The following PPP1R11 variants were observed in gnomAD, a reference collection of about 807,000 sequenced individuals.
PPP1R11 encodes the protein E3 ubiquitin-protein ligase PPP1R11.
PPP1R11 carries 10 observed loss-of-function variants against 11.3 expected under a neutral mutation model. That is an observed-to-expected ratio of 0.88 (90% CI 0.55 to 1.50). The LOEUF (loss-of-function observed/expected upper bound fraction) is 1.50, where lower values mean the gene tolerates loss of function less well. Among genes scored for constraint, PPP1R11 ranks in the 40% most tolerant of loss-of-function variants. PPP1R11 has a pLI of 0.00. For missense variants in PPP1R11, 114 were observed against 179.1 expected (o/e 0.64, Z 2.07); for synonymous variants, 56 against 62.3 (o/e 0.90, Z 0.48).
At chr6:30,067,137 C>A (rs1482506586), upstream of PPP1R11, 1 of 439,062 alleles carries the variant, frequency 2.3e-6, no homozygotes, top group Non-Finnish European at 4.1e-6. Flanking sequence ...ACTAATCCAG[C>A]GACGCCTGCG....
chr6:30,068,735 T>C (rs1765716247), intron 2 of PPP1R11, 37 bp downstream of exon 2: 4 of 1,555,150 alleles, frequency 2.6e-6, no homozygotes, highest in Non-Finnish European at 3.5e-6. Flanking sequence ...CCTGGAGTTC[T>C]GGCTCCCTTC....
upstream of PPP1R11, among the ~76,000 whole-genome samples, chr6:30,062,864 G>A (rs9261273): frequency 0.046 from 6,865 of 149,312 alleles, 194 homozygotes; most frequent in Admixed American, 0.064. Flanking sequence ...GAGCCACCCC[G>A]CCTGACCTAC....
At position 30,069,226 on chromosome 6, in the gene PPP1R11, G is replaced by A; in HGVS notation, c.301G>A (p.Ala101Thr). 6.2e-7 allele frequency: 1 copy of A among 1,612,972 alleles called. No individual in the cohort carries two copies. Among genetic ancestry groups the A allele is most frequent in the Non-Finnish European group, 8.5e-7 (1 of 1,180,000 alleles). Residue 101 changes from alanine to threonine, a missense_variant, in exon 3 of 3, where the codon GCA (alanine) becomes ACA (threonine). Coordinates refer to ENST00000376772, the MANE Select transcript of PPP1R11 (RefSeq NM_021959.3). The surrounding 1 kb of genome is among the most constrained non-coding windows in gnomAD (Gnocchi z 6.6). ...TGGCCACCGCAAAGGACGGCGTCGTGCAACCCTAGGACCGACCCCCACCAC... is the reference window on the plus strand; with the variant it reads ...TGGCCACCGCAAAGGACGGCGTCGTACAACCCTAGGACCGACCCCCACCAC... Reference protein sequence around the residue: ...VRGHRKGRRRATLGPTPTTPP... With the variant: ...VRGHRKGRRRTTLGPTPTTPP...
upstream of PPP1R11, chr6:30,064,756 G>C: frequency 6.7e-7 from 1 of 1,483,696 alleles, no homozygotes. Context: ...AGGATACTGG[G>C]TTTTTAGATG....
chr6:30,062,128 T>C, upstream of PPP1R11: 1 of 1,445,434 alleles, frequency 6.9e-7, no homozygotes. Context: ...GGAAAAGAGA[T>C]GTAAACCATC....
At chr6:30,068,147 G>C (rs1765670672) in intron 1 of PPP1R11, 1 of 155,056 alleles carries the variant, frequency 6.4e-6, no homozygotes, top group Admixed American at 6.5e-5. Flanking sequence ...GGGAGGGCTG[G>C]AGCTTGAGAA....
At chr6:30,061,645 T>C in the PPP1R11 span, 41 of 1,612,932 alleles carry the variant, frequency 2.5e-5, no homozygotes, top group Non-Finnish European at 3.5e-5. The surrounding 1 kb of genome is among the most constrained non-coding windows in gnomAD (Gnocchi z 5.0). Context: ...CTGTATTCGC[T>C]GTGGCTTCAA....
chr6:30,062,051 G>C, upstream of PPP1R11: 1 of 1,592,372 alleles, frequency 6.3e-7, no homozygotes, highest in Non-Finnish European at 8.6e-7. Flanking sequence ...GGCTCCATAA[G>C]GTGGGTAGGA....
At chr6:30,067,148 C>T (rs1264466675), upstream of PPP1R11, 2 of 447,288 alleles carry the variant, frequency 4.5e-6, no homozygotes, top group South Asian at 4.6e-5. Context: ...GACGCCTGCG[C>T]TTTGACGCAT....
upstream of PPP1R11, among the ~76,000 whole-genome samples, chr6:30,062,921 A>C (rs1765231817): frequency 6.6e-6 from 1 of 151,188 alleles, no homozygotes; most frequent in Non-Finnish European, 1.5e-5. Flanking sequence ...ACAACATAAG[A>C]AGCAGGTATT....
upstream of PPP1R11, chr6:30,065,056 A>G (rs149829589): frequency 4.5e-6 from 1 of 220,394 alleles, no homozygotes; most frequent in African/African-American, 2.3e-5. This position sits in a 1 kb window ranked among gnomAD's most constrained non-coding sequence, Gnocchi z 5.3. Context: ...AAGCAATTGT[A>G]AGTATTGCCA....
Position 30,069,279 on chromosome 6 carries a change from GC to G in PPP1R11, c.359del (p.Pro120LeufsTer55), listed in dbSNP as rs760045410. 18 of 1,585,694 alleles carry G rather than the reference GC, an allele frequency of 1.1e-5. No homozygotes were observed. The highest frequency in any genetic ancestry group is 1.5e-5 in the Non-Finnish European group (17 of 1,162,168). ...TPPQPPDPSQ[P>X]PPGPMQH ...CTCCCCAGCCTCCTGACCCTTCCCA[GC>G]CCCCTCCAGGGCCAATGCAGCACTA... On this transcript the variant is annotated frameshift_variant, in exon 3 of 3. Coordinates refer to ENST00000376772, the MANE Select transcript of PPP1R11 (RefSeq NM_021959.3). LOFTEE classifies it high-confidence loss of function. This position sits in a 1 kb window ranked among gnomAD's most constrained non-coding sequence, Gnocchi z 6.6.
intron 1 of PPP1R11, chr6:30,068,305 A>C (rs1213578703): frequency 3.6e-6 from 1 of 281,028 alleles, no homozygotes; most frequent in Admixed American, 5.1e-5. Flanking sequence ...AGACGGAGAA[A>C]CAGCAAGGAT....
In PPP1R11 at chr6:30,068,629, C is replaced by G; in HGVS notation, c.109C>G (p.Pro37Ala). 2 of 1,612,880 alleles carry G rather than the reference C, an allele frequency of 1.2e-6. No homozygotes were observed. Among genetic ancestry groups the G allele is most frequent in the Non-Finnish European group, 1.7e-6 (2 of 1,179,988 alleles). ...TACCATCAAACTTCGGAAACGGAAG[C>G]CAGAGAAAAAGGTAGAATGGACAAG... is the stretch of plus-strand genomic sequence containing the variant. ...SLTIKLRKRK[P>A]EKKVEWTSDT... The change falls in exon 2 of 3, where the codon CCA (proline) becomes GCA (alanine). Residue 37 changes from proline (P) to alanine (A), a missense_variant. Coordinates refer to ENST00000376772, the MANE Select transcript of PPP1R11 (RefSeq NM_021959.3).
In PPP1R11 at chr6:30,067,312, C is replaced by A. The variant is rs1150738; in HGVS notation, c.-99C>A. 120,162 of 1,280,210 alleles carry A rather than the reference C, an allele frequency of 0.094. 6,447 individuals are homozygous for A. The highest frequency in any genetic ancestry group is 0.17 in the Admixed American group (9,350 of 54,638). 79.3% of individuals were successfully genotyped at this position (1,280,210 alleles called of 1,614,324 possible). A position where few individuals can be genotyped will look rare whatever the true frequency, so the allele number is the denominator to read the frequency against. On this transcript the variant is annotated 5_prime_UTR_variant, in exon 1 of 3. Transcript: ENST00000376772. Reference sequence around the variant, plus strand: ...AGAAGGTGGAGGATCCTGGCTACCACTCTGAATCCGATACCGCTTCTCTTA... The same window carrying A: ...AGAAGGTGGAGGATCCTGGCTACCAATCTGAATCCGATACCGCTTCTCTTA...
Position 30,068,583 on chromosome 6 carries a change from C to G in PPP1R11, c.70-7C>G. ...CTAGATAGGTATGCTCATCCTTAAC[C>G]TTCTAGGAGAACCGGAGCCTTACCA... On this transcript the variant is annotated splice_polypyrimidine_tract_variant and splice_region_variant and intron_variant, in intron 1 of 2. Transcript: ENST00000376772. 1 of 1,610,250 alleles carries G rather than the reference C, an allele frequency of 6.2e-7. No homozygotes were observed. Among genetic ancestry groups the G allele is most frequent in the Non-Finnish European group, 8.5e-7 (1 of 1,178,580 alleles).
chr6:30,062,714 C>CTTGTTTTTTT (rs1765200437), upstream of PPP1R11, among the ~76,000 whole-genome samples: 1 of 42,378 alleles, frequency 2.4e-5, no homozygotes, highest in African/African-American at 1.0e-4. Flanking sequence ...CCACGCCTGG[C>CTTGTTTTTTT]TTTTTTTTTT....
upstream of PPP1R11, among the ~76,000 whole-genome samples, chr6:30,063,136 G>A (rs1227336045): frequency 2.0e-5 from 3 of 151,594 alleles, no homozygotes; most frequent in Non-Finnish European, 4.4e-5. This position sits in a 1 kb window ranked among gnomAD's most constrained non-coding sequence, Gnocchi z 4.1. Flanking sequence ...TGGACTTTCT[G>A]AAACTGAGAG....
At chr6:30,064,213 T>A (rs142850716), upstream of PPP1R11, among the ~76,000 whole-genome samples, 10 of 152,166 alleles carry the variant, frequency 6.6e-5, no homozygotes, top group East Asian at 1.9e-3. Context: ...TCTTGCCATC[T>A]CATCAAAGGA....
Sources: gnomAD v4.1 joint callset for allele counts (sites outside exome capture counted in the v4.1 genomes callset) on GRCh38, gnomAD v4.1.1 for gene constraint, Gnocchi (gnomAD v3.1) non-coding constraint, MANE v1.5 for transcripts, NCBI Gene and HGNC (gene_info 2026-07-23, HGNC 2026-07-21) for gene names.